Variants in TARDBP observed in about 807,000 individuals in gnomAD.
The protein encoded by TARDBP is TAR DNA binding protein.
Under a neutral mutation model 38.3 loss-of-function variants are expected in TARDBP, and 4 were observed. The ratio of observed to expected loss-of-function variants is 0.10; its 90% CI spans 0.05 to 0.24. The LOEUF is 0.24. Among genes scored for constraint, TARDBP ranks in the 10% least tolerant of loss-of-function variants. TARDBP has a pLI of 1.00. For missense variants in TARDBP, 202 were observed against 521.9 expected (o/e 0.39, Z 5.97); for synonymous variants, 184 against 183.8 (o/e 1.00, Z -0.01).
chr1:11,027,345 G>A (rs753012104), downstream of TARDBP: 1 of 1,614,112 alleles, frequency 6.2e-7, no homozygotes, highest in South Asian at 1.1e-5. Context: ...TTTAATCAGT[G>A]CTATGTCATT....
rs887381679 is a variant in TARDBP, at chr1:11,022,505, G to T, written c.1096G>T (p.Ala366Ser). The change falls in exon 6 of 6, where the codon GCC becomes TCC. Residue 366 changes from alanine (A) to serine (S), a missense_variant. Coordinates refer to ENST00000240185, the MANE Select transcript of TARDBP (RefSeq NM_007375.4). This position sits in a 1 kb window ranked among gnomAD's most constrained non-coding sequence, Gnocchi z 4.5. The stretch of plus-strand genomic sequence containing the variant: ...CAACATGCAGAGGGAGCCAAACCAG[G>T]CCTTCGGTTCTGGAAATAACTCTTA... ...QGNMQREPNQ[A>S]FGSGNNSYSG... 2 of 1,598,626 alleles carry T rather than the reference G, an allele frequency of 1.3e-6. No individual in the cohort carries two copies. Among genetic ancestry groups the T allele is most frequent in the Non-Finnish European group, 1.7e-6 (2 of 1,169,670 alleles).
rs543130928 is a variant in TARDBP, at chr1:11,019,256, A to G, written c.543+383A>G. On this transcript the variant is annotated intron_variant, in intron 4 of 5. Coordinates refer to ENST00000240185, the MANE Select transcript of TARDBP (RefSeq NM_007375.4). ...AACAAATAACATTGGCTTATTTGGA[A>G]CATCATCATCTTTGCCAAGAGATTG... The G allele has an allele frequency of 3.3e-4, 106 of 317,734 alleles. 3 individuals are homozygous for G. The highest frequency in any genetic ancestry group is 2.3e-3 in the South Asian group (83 of 36,882). The allele number at this position is 317,734 out of a possible 1,614,324, so 19.7% of individuals were successfully genotyped here. A position where few individuals can be genotyped will look rare whatever the true frequency, so the allele number is the denominator to read the frequency against.
chr1:11,030,215 TC>T (rs760278738), downstream of TARDBP: 46 of 1,613,806 alleles, frequency 2.9e-5, no homozygotes, highest in Middle Eastern at 3.3e-4. Flanking sequence ...CCTTTGGAGC[TC>T]GTCCAGAATC....
chr1:11,013,635 G>A, intron 1 of TARDBP, 81 bp from the exon 2 acceptor site: 1 of 1,199,140 alleles, frequency 8.3e-7, no homozygotes, highest in Non-Finnish European at 1.2e-6. Context: ...TCAGAACTCT[G>A]ACATGGTTTG....
intron 2 of TARDBP, among the ~76,000 whole-genome samples, chr1:11,016,596 A>G (rs1643530098): frequency 6.6e-6 from 1 of 152,224 alleles, no homozygotes; most frequent in Admixed American, 6.5e-5. Flanking sequence ...AGAGGGAGAG[A>G]TTGTAATCCG....
rs1643579367 is a variant in TARDBP at position 11,018,792 on chromosome 1, A to T, written c.462A>T (p.Glu154Asp). ...GGTTTGGCTTTGTTCGTTTTACGGA[A>T]TATGAAACACAAGTGAAAGTAATGT... Reference protein sequence around the residue: ...SKGFGFVRFTEYETQVKVMSQ... With the variant: ...SKGFGFVRFTDYETQVKVMSQ... The change falls in exon 4 of 6, where the codon GAA becomes GAT. Residue 154 changes from glutamate to aspartate, a missense_variant. Around this residue, in one of 5 missense-constraint regions of TARDBP, gnomAD observed 71 missense variants for 185.4 expected, o/e 0.38. Coordinates refer to ENST00000240185, the MANE Select transcript of TARDBP (RefSeq NM_007375.4). 1 of 1,614,072 alleles carries T rather than the reference A, an allele frequency of 6.2e-7. No homozygotes were observed. The highest frequency in any genetic ancestry group is 1.1e-5 in the South Asian group (1 of 91,090).
chr1:11,017,219 T>C (rs77450777), intron 3 of TARDBP, among the ~76,000 whole-genome samples: 1 of 150,246 alleles, frequency 6.7e-6, no homozygotes, highest in South Asian at 2.1e-4. Flanking sequence ...TTTTTTTTTT[T>C]TGGAGACCAA....
At position 11,013,841 on chromosome 1, in the gene TARDBP, G is replaced by A. The variant is rs535276506; in HGVS notation, c.114G>A (p.Ala38=). The change falls in exon 2 of 6, where the codon GCG becomes GCA. Residue 38 remains alanine (A), a synonymous_variant. Transcript: ENST00000240185. ...CGGTTACAGCCCAGTTTCCAGGGGC[G>A]TGTGGGCTTCGCTACAGGAATCCAG... ...LSTVTAQFPG[A]CGLRYRNPVS... 4 of 1,613,982 alleles carry A rather than the reference G, an allele frequency of 2.5e-6. No homozygotes were observed. Among genetic ancestry groups the A allele is most frequent in the Middle Eastern group, 1.6e-4 (1 of 6,080 alleles).
chr1:11,018,594 G>C, intron 3 of TARDBP, 139 bp from the exon 4 acceptor site: 1 of 1,158,960 alleles, frequency 8.6e-7, no homozygotes, highest in Non-Finnish European at 1.3e-6. Flanking sequence ...TGTTTTTACT[G>C]TTAAGACTAA....
At chr1:11,018,906 A>C in intron 4 of TARDBP, 33 bp downstream of exon 4, 1 of 1,613,872 alleles carries the variant, frequency 6.2e-7, no homozygotes, top group Non-Finnish European at 8.5e-7. Flanking sequence ...AATTTTTGCC[A>C]ACAAACTTCC....
rs1643688562 is a variant in TARDBP, at chr1:11,024,141, G to T, written c.*1487G>T. Reference sequence around the variant, plus strand: ...AGATGGAACTTTCATAAAGTTTCTTGGCAGTAGTTTATTTTGCTTCAAATA... The same window carrying T: ...AGATGGAACTTTCATAAAGTTTCTTTGCAGTAGTTTATTTTGCTTCAAATA... On this transcript the variant is annotated 3_prime_UTR_variant, in exon 6 of 6. Coordinates refer to ENST00000240185, the MANE Select transcript of TARDBP (RefSeq NM_007375.4). 1 of 152,486 alleles carries T rather than the reference G, an allele frequency of 6.6e-6. No homozygotes were observed. Among genetic ancestry groups the T allele is most frequent in the Admixed American group, 6.6e-5 (1 of 15,250 alleles). The allele number at this position is 152,486 out of a possible 1,614,324, so 9.4% of individuals were successfully genotyped here. A position where few individuals can be genotyped will look rare whatever the true frequency, so the allele number is the denominator to read the frequency against.
rs1643578811 is a variant in TARDBP, at chr1:11,018,733, G to A, written c.403G>A (p.Val135Ile). ...STFGEVLMVQ[V>I]KKDLKTGHSK... ...AGTAAACTTGTATCATCCTTTCTAG[G>A]TCAAGAAAGATCTTAAGACTGGTCA... is the stretch of plus-strand genomic sequence containing the variant. The change falls in exon 4 of 6, where the codon GTC (valine) becomes ATC (isoleucine). Residue 135 changes from valine to isoleucine, a missense_variant and splice_region_variant. Around this residue, in one of 5 missense-constraint regions of TARDBP, gnomAD observed 71 missense variants for 185.4 expected, o/e 0.38. Coordinates refer to ENST00000240185, the MANE Select transcript of TARDBP (RefSeq NM_007375.4). The A allele has an allele frequency of 2.5e-6, 4 of 1,614,002 alleles. No individual in the cohort carries two copies. In the South Asian group the frequency reaches 3.3e-5, roughly 13 times the overall value.
In TARDBP at chr1:11,023,499, A is replaced by C; in HGVS notation, c.*845A>C. On this transcript the variant is annotated 3_prime_UTR_variant, in exon 6 of 6. Transcript: ENST00000240185. ...GCTAGTATGAGCGAGAAAAGGAGAG[A>C]GCGCGTGCAGAGACTTGGTGGTGCA... 1 of 535,258 alleles carries C rather than the reference A, an allele frequency of 1.9e-6. No homozygotes were observed. The highest frequency in any genetic ancestry group is 3.4e-5 in the Admixed American group (1 of 29,718). 33.2% of individuals were successfully genotyped at this position (535,258 alleles called of 1,614,324 possible).
chr1:11,024,893 A>G lies in TARDBP; in HGVS notation c.*2239A>G, dbSNP rs763189855. On this transcript the variant is annotated 3_prime_UTR_variant, in exon 6 of 6. Transcript: ENST00000240185. ...TATTTGTTGTGTTGGTAGTTTACCT[A>G]ATGCCCTTACCTAATTAGATTATGA... 3.3e-5 allele frequency: 5 copies of G among 152,528 alleles called. No homozygotes were observed. The highest frequency in any genetic ancestry group is 1.3e-4 in the Admixed American group (2 of 15,242). The allele number at this position is 152,528 out of a possible 1,614,324, so 9.4% of individuals were successfully genotyped here.
At chr1:11,029,358 G>A (rs1005843026), downstream of TARDBP, among the ~76,000 whole-genome samples, 2 of 147,556 alleles carry the variant, frequency 1.4e-5, no homozygotes, top group Non-Finnish European at 1.5e-5. Context: ...CCGAGATTGC[G>A]CCACTGCACT....
rs767767431 is a variant in TARDBP at position 11,022,513 on chromosome 1, T to C, written c.1104T>C (p.Gly368=). 4 of 1,596,294 alleles carry C rather than the reference T, an allele frequency of 2.5e-6. No homozygotes were observed. The South Asian group carries it at 4.5e-5, about 18-fold the overall frequency. ...AGAGGGAGCCAAACCAGGCCTTCGG[T>C]TCTGGAAATAACTCTTATAGTGGCT... ...NMQREPNQAF[G]SGNNSYSGSN... The change falls in exon 6 of 6, where the codon GGT becomes GGC. Residue 368 remains glycine (G), a synonymous_variant. Coordinates refer to ENST00000240185, the MANE Select transcript of TARDBP (RefSeq NM_007375.4). The surrounding 1 kb of genome is among the most constrained non-coding windows in gnomAD (Gnocchi z 4.5).
chr1:11,016,776 T>C, intron 2 of TARDBP, 68 bp from the exon 3 acceptor site: 1 of 1,491,708 alleles, frequency 6.7e-7, no homozygotes, highest in Non-Finnish European at 9.3e-7. Context: ...TTTCTAGATG[T>C]AGGAGGTAGT....
At chr1:11,021,140 CTT>C (rs568381462) in intron 5 of TARDBP, among the ~76,000 whole-genome samples, 13 of 146,352 alleles carry the variant, frequency 8.9e-5, no homozygotes, top group African/African-American at 2.8e-4. Flanking sequence ...ATGTTATATA[CTT>C]TTTTTTTTTT....
chr1:11,028,818 A>G (rs1366763989), downstream of TARDBP, among the ~76,000 whole-genome samples: 2 of 148,220 alleles, frequency 1.3e-5, no homozygotes, highest in Non-Finnish European at 3.0e-5. Context: ...GGTTCATGCC[A>G]TTCTCCTGCC....
Sources: allele counts gnomAD v4.1 joint callset (sites outside exome capture counted in the v4.1 genomes callset), GRCh38; gene constraint gnomAD v4.1.1; regional missense constraint gnomAD v4.1.1; non-coding constraint Gnocchi (gnomAD v3.1); transcripts MANE v1.5; gene names NCBI Gene and HGNC (gene_info 2026-07-23, HGNC 2026-07-21).